Variants in GCA observed in about 807,000 individuals in gnomAD.
GCA encodes the protein grancalcin, EF-hand calcium-binding protein.
Under a neutral mutation model 32.6 loss-of-function variants are expected in GCA, and 30 were observed. That is an observed-to-expected ratio of 0.92 (90% confidence interval 0.69 to 1.25). The LOEUF (loss-of-function observed/expected upper bound fraction) is 1.25, where lower values mean the gene tolerates loss of function less well. Ranked by LOEUF, GCA falls within the 50% of genes most tolerant of loss-of-function variation. The pLI is 0.00. For synonymous variants in GCA, 102 were observed against 84.6 expected, an observed-to-expected ratio of 1.21 and a Z score of -1.13; for missense variants, 291 against 266.8, an observed-to-expected ratio of 1.09 and a Z score of -0.63.
At chr2:162,344,657 A>G (rs1462191766) in intron 1 of GCA, 2 of 293,240 alleles carry the variant, frequency 6.8e-6, no homozygotes, top group Non-Finnish European at 1.3e-5. Context: ...GAATTTCCTG[A>G]CCACTTCTTG....
Position 162,360,976 on chromosome 2 carries a change from C to A in GCA, c.*733C>A. The A allele has an allele frequency of 9.0e-7, 1 of 1,110,294 alleles. No individual in the cohort carries two copies. Among genetic ancestry groups the A allele is most frequent in the Non-Finnish European group, 1.1e-6 (1 of 905,568 alleles). 68.8% of individuals were successfully genotyped at this position (1,110,294 alleles called of 1,614,324 possible). On this transcript the variant is annotated 3_prime_UTR_variant, in exon 8 of 8. Transcript: ENST00000437150. The stretch of plus-strand genomic sequence containing the variant: ...TGAAGACATAGTTCACCTAAAATGG[C>A]ATCCTGCTCTGAATCTAGACTTTTT...
At chr2:162,336,300 G>A (rs1469493706) in intron 1 of GCA, among the ~76,000 whole-genome samples, 1 of 152,154 alleles carries the variant, frequency 6.6e-6, no homozygotes, top group Non-Finnish European at 1.5e-5. Flanking sequence ...TTATTGATGT[G>A]TAGATTTATT....
downstream of GCA, among the ~76,000 whole-genome samples, chr2:162,364,950 T>A (rs1685703444): frequency 6.6e-6 from 1 of 151,642 alleles, no homozygotes; most frequent in Non-Finnish European, 1.5e-5. Context: ...ATATTATGCT[T>A]CTTTAATTTT....
At chr2:162,353,705 CT>C (rs1479810707) in intron 3 of GCA, among the ~76,000 whole-genome samples, 1 of 152,118 alleles carries the variant, frequency 6.6e-6, no homozygotes, top group East Asian at 1.9e-4. Flanking sequence ...CTTGTGAGAT[CT>C]TTGTCTTTAG....
At chr2:162,319,374 A>G (rs574638986) in intron 1 of GCA, 38 of 336,514 alleles carry the variant, frequency 1.1e-4, no homozygotes, top group South Asian at 8.2e-4. Flanking sequence ...GCCAAGACTT[A>G]AAGTTTCCTA....
chr2:162,326,389 A>G (rs1446615435), intron 1 of GCA, among the ~76,000 whole-genome samples: 4 of 152,170 alleles, frequency 2.6e-5, no homozygotes, highest in African/African-American at 9.6e-5. Context: ...CCAGATTCTG[A>G]GGGTCAAAGT....
In GCA at chr2:162,361,195, G is replaced by A. The variant is rs1685556786; in HGVS notation, c.*952G>A. The A allele has an allele frequency of 2.0e-6, 2 of 985,030 alleles. No individual in the cohort carries two copies. Among genetic ancestry groups the A allele is most frequent in the South Asian group, 9.4e-5 (2 of 21,284 alleles). The allele number at this position is 985,030 out of a possible 1,614,324, so 61.0% of individuals were successfully genotyped here. A position where few individuals can be genotyped will look rare whatever the true frequency, so the allele number is the denominator to read the frequency against. On this transcript the variant is annotated 3_prime_UTR_variant, in exon 8 of 8. Coordinates refer to ENST00000437150, the MANE Select transcript of GCA (RefSeq NM_012198.5). Reference sequence around the variant, plus strand: ...TGGTGGCTTTGCCATTAAAAACCCAGTAAGTATTTTGAGTGCATCTATGTG... The same window carrying A: ...TGGTGGCTTTGCCATTAAAAACCCAATAAGTATTTTGAGTGCATCTATGTG...
At chr2:162,343,950 G>C (rs1250478950), upstream of GCA, 2 of 416,518 alleles carry the variant, frequency 4.8e-6, no homozygotes, top group Admixed American at 7.6e-5. Context: ...GAGTCGAGCA[G>C]GGACTGGAGG....
At chr2:162,371,421 A>G (rs1685941343) in exon 5 of GCA, 1 of 1,287,974 alleles carries the variant, frequency 7.8e-7, no homozygotes, top group Non-Finnish European at 1.0e-6. Context: ...GTTGAGGATC[A>G]TCTGAATTTG....
At chr2:162,344,129 G>T (rs1576277199), upstream of GCA, 2 of 1,035,366 alleles carry the variant, frequency 1.9e-6, no homozygotes, top group East Asian at 4.9e-5. Flanking sequence ...GAACTGTGCG[G>T]TTAGTGCGCC....
intron 5 of GCA, 31 bp from the exon 6 acceptor site, chr2:162,359,013 A>G (rs377749674): frequency 5.8e-6 from 6 of 1,039,778 alleles, no homozygotes; most frequent in Non-Finnish European, 8.9e-6. Context: ...TGTTATTTAC[A>G]TTTAGAAGTT....
At chr2:162,335,110 G>C (rs943638159) in intron 1 of GCA, among the ~76,000 whole-genome samples, 2 of 152,086 alleles carry the variant, frequency 1.3e-5, no homozygotes, top group African/African-American at 4.8e-5. Context: ...CCACTCCCTA[G>C]CTATAGTGAT....
chr2:162,363,871 C>T (rs538726653), downstream of GCA, among the ~76,000 whole-genome samples: 22 of 151,562 alleles, frequency 1.5e-4, no homozygotes, highest in African/African-American at 5.3e-4. Context: ...CTCAGGTGTG[C>T]TTCTGTGTAT....
intron 5 of GCA, among the ~76,000 whole-genome samples, chr2:162,358,170 G>A (rs1172810574): frequency 6.6e-6 from 1 of 151,384 alleles, no homozygotes; most frequent in African/African-American, 2.4e-5. Context: ...TAATGTATGG[G>A]CAATAATACT....
rs779597767 is a variant in GCA at position 162,359,122 on chromosome 2, A to T, written c.533A>T (p.Tyr178Phe). 1.9e-6 allele frequency: 3 copies of T among 1,606,536 alleles called. No homozygotes were observed. The highest frequency in any genetic ancestry group is 2.6e-6 in the Non-Finnish European group (3 of 1,174,298). Reference protein sequence around the residue: ...SKNGRIFFDDYVACCVKLRAL... With the variant: ...SKNGRIFFDDFVACCVKLRAL... ...AATGGCAGAATTTTCTTTGATGATT[A>T]TGTTGCTTGCTGTGTGAAGCTTCGA... Residue 178 changes from tyrosine (Y) to phenylalanine (F), a missense_variant, in exon 6 of 8, where the codon TAT becomes TTT. Transcript: ENST00000437150.
intron 1 of GCA, among the ~76,000 whole-genome samples, chr2:162,338,380 G>A (rs1481984845): frequency 6.6e-6 from 1 of 152,120 alleles, no homozygotes. Flanking sequence ...TTAATTTTTT[G>A]TAACAGGACT....
Position 162,362,547 on chromosome 2 carries a change from C to T in GCA, c.*2304C>T, listed in dbSNP as rs986801186. On this transcript the variant is annotated 3_prime_UTR_variant, in exon 8 of 8. Transcript: ENST00000437150. Reference sequence around the variant, plus strand: ...TGTAAATTATTGAATAATGTACACTCTTAATGTATAAGTGCTTTTATTTAT... The same window carrying T: ...TGTAAATTATTGAATAATGTACACTTTTAATGTATAAGTGCTTTTATTTAT... The T allele has an allele frequency of 1.0e-6, 1 of 957,710 alleles. No individual in the cohort carries two copies. The highest frequency in any genetic ancestry group is 1.8e-5 in the African/African-American group (1 of 56,622). The allele number at this position is 957,710 out of a possible 1,614,324, so 59.3% of individuals were successfully genotyped here.
chr2:162,344,156 A>C lies in GCA; in HGVS notation c.-93A>C. 1 of 1,367,754 alleles carries C rather than the reference A, an allele frequency of 7.3e-7. No homozygotes were observed. The highest frequency in any genetic ancestry group is 1.0e-6 in the Non-Finnish European group (1 of 960,290). 84.7% of individuals were successfully genotyped at this position (1,367,754 alleles called of 1,614,324 possible). On this transcript the variant is annotated 5_prime_UTR_variant, in exon 1 of 8. Coordinates refer to ENST00000437150, the MANE Select transcript of GCA (RefSeq NM_012198.5). ...TAGTGCGCCTTTCAGCCTCACCTGC[A>C]GCTGCGCCTCCTTGCACCTGCGCCT...
At chr2:162,359,939 T>G (rs542152693) in intron 7 of GCA, among the ~76,000 whole-genome samples, 2 of 151,410 alleles carry the variant, frequency 1.3e-5, no homozygotes, top group Admixed American at 1.3e-4. Flanking sequence ...TCATTTCAAA[T>G]GGTTACTATT....
Sources: gnomAD v4.1 joint callset for allele counts (sites outside exome capture counted in the v4.1 genomes callset) on GRCh38, gnomAD v4.1.1 for gene constraint, MANE v1.5 for transcripts, NCBI Gene and HGNC (gene_info 2026-07-23, HGNC 2026-07-21) for gene names.